Variants in BST1 observed in about 807,000 individuals in gnomAD.
The protein encoded by BST1 is bone marrow stromal cell antigen 1.
A neutral mutation model predicts 40.6 loss-of-function variants in BST1; 49 were observed. The ratio of observed to expected loss-of-function variants is 1.21; its 90% CI spans 0.96 to 1.53. The LOEUF (loss-of-function observed/expected upper bound fraction) is 1.53. Among genes scored for constraint, BST1 ranks in the 40% most tolerant of loss-of-function variants. The pLI, the probability that BST1 is intolerant of heterozygous loss-of-function variation, is 0.00. For missense variants in BST1, 423 were observed against 395.9 expected (o/e 1.07, Z -0.58); for synonymous variants, 157 against 159.3 (o/e 0.99, Z 0.11).
chr4:15,765,499 G>A, the BST1 span, among the ~76,000 whole-genome samples: 55,473 of 151,516 alleles, frequency 0.37, 10,690 homozygotes, highest in African/African-American at 0.45. Flanking sequence ...AAAACACGTC[G>A]GGACATGTCA....
chr4:15,726,899 C>CT (rs1424572146), intron 8 of BST1, among the ~76,000 whole-genome samples: 1 of 139,708 alleles, frequency 7.2e-6, no homozygotes, highest in Non-Finnish European at 1.5e-5. Flanking sequence ...GAGATGGAGT[C>CT]TCGCTCTGTT....
At chr4:15,703,993 T>G (rs1719725637) in intron 1 of BST1, among the ~76,000 whole-genome samples, 1 of 119,894 alleles carries the variant, frequency 8.3e-6, no homozygotes, top group African/African-American at 3.3e-5. Context: ...AGGTGAGATG[T>G]GTGTGTGTGT....
At chr4:15,734,989 G>T (rs931894782), downstream of BST1, among the ~76,000 whole-genome samples, 3 of 152,190 alleles carry the variant, frequency 2.0e-5, no homozygotes, top group Non-Finnish European at 4.4e-5. Context: ...AGACACTGGT[G>T]TGTATTGTAA....
chr4:15,742,385 TTCCCCTACTGCCATGTGATC>T (rs1369827138), downstream of BST1, among the ~76,000 whole-genome samples: 1 of 152,170 alleles, frequency 6.6e-6, no homozygotes, highest in Non-Finnish European at 1.5e-5. Context: ...CCTCCTTGGC[TTCCCCTACTGCCATGTGATC>T]TCTTTGCATA....
chr4:15,710,032 G>C (rs1372810439), intron 3 of BST1, among the ~76,000 whole-genome samples: 2 of 152,016 alleles, frequency 1.3e-5, no homozygotes, highest in African/African-American at 4.8e-5. Context: ...TAATGCAGTG[G>C]TGTGATCCTA....
At chr4:15,726,916 G>T (rs1356231447) in intron 8 of BST1, among the ~76,000 whole-genome samples, 2 of 149,018 alleles carry the variant, frequency 1.3e-5, no homozygotes, top group Non-Finnish European at 3.0e-5. Flanking sequence ...TGTTGCCCAG[G>T]CTGGAGTGCA....
At chr4:15,753,827 G>A in the BST1 span, among the ~76,000 whole-genome samples, 815 of 152,308 alleles carry the variant, frequency 5.4e-3, 7 homozygotes, top group African/African-American at 0.019. Flanking sequence ...ATGCACCAAG[G>A]CCTCACAGAG....
the BST1 span, among the ~76,000 whole-genome samples, chr4:15,749,818 CT>C: frequency 7.2e-5 from 11 of 152,056 alleles, no homozygotes; most frequent in African/African-American, 2.7e-4. Flanking sequence ...AGCATTTATC[CT>C]TTGAGCTACA....
chr4:15,724,388 T>G (rs1250645022), intron 8 of BST1, among the ~76,000 whole-genome samples: 1 of 152,210 alleles, frequency 6.6e-6, no homozygotes, highest in Non-Finnish European at 1.5e-5. Context: ...GAATAACCAG[T>G]ACATTAAAGA....
chr4:15,768,699 C>T, the BST1 span, among the ~76,000 whole-genome samples: 51,624 of 151,356 alleles, frequency 0.34, 8,937 homozygotes, highest in South Asian at 0.41. Context: ...GGTTTCACCT[C>T]GTTAGCCAGG....
chr4:15,703,929 T>TGG (rs1719718664), intron 1 of BST1, among the ~76,000 whole-genome samples: 1 of 137,364 alleles, frequency 7.3e-6, no homozygotes, highest in African/African-American at 2.8e-5. Context: ...GGTGTGTGTA[T>TGG]TCTAGAGGTG....
chr4:15,726,301 C>A (rs1325933527), intron 8 of BST1, among the ~76,000 whole-genome samples: 1 of 151,800 alleles, frequency 6.6e-6, no homozygotes, highest in East Asian at 1.9e-4. Context: ...TAAAACAGAA[C>A]TTGCAACTCG....
At chr4:15,748,222 T>C in the BST1 span, among the ~76,000 whole-genome samples, 1 of 152,220 alleles carries the variant, frequency 6.6e-6, no homozygotes, top group Non-Finnish European at 1.5e-5. Context: ...GATCCTACAA[T>C]TCTTTTGGTT....
At chr4:15,737,825 C>CA in exon 7 of BST1, 2 of 1,285,906 alleles carry the variant, frequency 1.6e-6, no homozygotes, top group Non-Finnish European at 2.0e-6. Context: ...TACTGACTGT[C>CA]AGAGAGTCCA....
At chr4:15,750,260 G>T in the BST1 span, among the ~76,000 whole-genome samples, 50 of 152,166 alleles carry the variant, frequency 3.3e-4, no homozygotes, top group African/African-American at 1.2e-3. Context: ...CCTGACCTCA[G>T]GTGATTCACC....
the BST1 span, among the ~76,000 whole-genome samples, chr4:15,767,494 A>G: frequency 1.3e-5 from 2 of 151,898 alleles, no homozygotes; most frequent in African/African-American, 4.8e-5. Flanking sequence ...TAGTAGAGAC[A>G]GGGTTTCACC....
At chr4:15,766,133 T>G in the BST1 span, among the ~76,000 whole-genome samples, 9 of 152,080 alleles carry the variant, frequency 5.9e-5, 1 homozygote, top group African/African-American at 2.2e-4. Flanking sequence ...CAAAGACTGT[T>G]TGGCATCCTT....
At chr4:15,719,130 A>G in intron 7 of BST1, 137 bp downstream of exon 7, 2 of 679,792 alleles carry the variant, frequency 2.9e-6, no homozygotes, top group Non-Finnish European at 4.8e-6. Flanking sequence ...GTGTGGAGGC[A>G]AGGAGCACTT....
chr4:15,719,516 T>TAA (rs201169464), intron 7 of BST1, among the ~76,000 whole-genome samples: 3 of 151,312 alleles, frequency 2.0e-5, no homozygotes, highest in Non-Finnish European at 4.4e-5. Context: ...ATTTTTTTTT[T>TAA]AAAAAACTTG....
Sources: allele counts gnomAD v4.1 joint callset (sites outside exome capture counted in the v4.1 genomes callset), GRCh38; gene constraint gnomAD v4.1.1; transcripts MANE v1.5; gene names NCBI Gene and HGNC (gene_info 2026-07-23, HGNC 2026-07-21).